CTNNA2: variants seen among roughly 807,000 people sequenced by gnomAD.
CTNNA2 encodes catenin alpha-2.
In CTNNA2, 42 loss-of-function variants were observed where a neutral mutation model predicts 101.0. That is an observed-to-expected ratio of 0.42 (90% CI 0.32 to 0.54). CTNNA2 has a LOEUF of 0.54. Among genes scored for constraint, CTNNA2 ranks in the 20% least tolerant of loss-of-function variants. CTNNA2 has a pLI of 0.14. For synonymous variants in CTNNA2, 450 were observed against 456.4 expected (o/e 0.99, Z 0.18); for missense variants, 871 against 1,223.1 (o/e 0.71, Z 4.29).
intron 7 of CTNNA2, among the ~76,000 whole-genome samples, chr2:80,267,620 A>G (rs1673103397): frequency 6.6e-6 from 1 of 152,202 alleles, no homozygotes; most frequent in Admixed American, 6.5e-5. Context: ...TGGGAAGGAG[A>G]CGATTCGCTC....
intron 7 of CTNNA2, among the ~76,000 whole-genome samples, chr2:80,193,886 G>C (rs1032816258): frequency 6.6e-6 from 1 of 152,136 alleles, no homozygotes; most frequent in African/African-American, 2.4e-5. Flanking sequence ...TTTTCATTCT[G>C]ACCTCTAAAT....
intron 7 of CTNNA2, among the ~76,000 whole-genome samples, chr2:80,036,039 T>C (rs60797765): frequency 0.037 from 5,629 of 152,264 alleles, 322 homozygotes; most frequent in African/African-American, 0.13. Flanking sequence ...ATCAGGGCTT[T>C]CTGAGGATTG....
intron 18 of CTNNA2, among the ~76,000 whole-genome samples, chr2:80,637,778 C>T (rs1398340113): frequency 1.3e-5 from 2 of 152,086 alleles, no homozygotes; most frequent in African/African-American, 2.4e-5. Flanking sequence ...AGGATCGTTC[C>T]AGATCTTCAG....
intron 7 of CTNNA2, among the ~76,000 whole-genome samples, chr2:80,269,940 T>G (rs1211691449): frequency 6.6e-6 from 1 of 152,170 alleles, no homozygotes; most frequent in Non-Finnish European, 1.5e-5. Context: ...GCCAGCAACC[T>G]AAGCAGCTCT....
intron 4 of CTNNA2, among the ~76,000 whole-genome samples, chr2:79,376,720 G>A (rs1677980237): frequency 6.6e-6 from 1 of 152,010 alleles, no homozygotes; most frequent in South Asian, 2.1e-4. Context: ...CCACCTATGA[G>A]TGAGAACATG....
chr2:79,371,152 G>A (rs1224725457), intron 3 of CTNNA2, among the ~76,000 whole-genome samples: 1 of 152,030 alleles, frequency 6.6e-6, no homozygotes, highest in Non-Finnish European at 1.5e-5. Flanking sequence ...AGAGGGGAGG[G>A]GTCTGGTGCC....
intron 11 of CTNNA2, among the ~76,000 whole-genome samples, chr2:80,547,706 T>TTTTTTTTTA: frequency 1.4e-4 from 21 of 149,778 alleles, no homozygotes; most frequent in Admixed American, 2.0e-4. Context: ...TTTTTTTTTT[T>TTTTTTTTTA]GAGATGGAGT....
chr2:79,317,100 G>T (rs1189445213), intron 3 of CTNNA2, among the ~76,000 whole-genome samples: 1 of 151,920 alleles, frequency 6.6e-6, no homozygotes, highest in Non-Finnish European at 1.5e-5. Context: ...TGTTGTTGTG[G>T]TGGTGGTTTT....
At chr2:79,603,519 C>T (rs1677684320) in intron 1 of CTNNA2, among the ~76,000 whole-genome samples, 2 of 152,072 alleles carry the variant, frequency 1.3e-5, no homozygotes, top group South Asian at 4.2e-4. Flanking sequence ...TTTCACTCAT[C>T]TTATGTGAAG....
At chr2:79,826,613 A>C (rs1361534413) in intron 3 of CTNNA2, among the ~76,000 whole-genome samples, 1 of 152,244 alleles carries the variant, frequency 6.6e-6, no homozygotes, top group African/African-American at 2.4e-5. Context: ...TACAAGTCGT[A>C]ATGCCAAAGA....
intron 7 of CTNNA2, among the ~76,000 whole-genome samples, chr2:80,133,643 T>A (rs1352490047): frequency 1.3e-5 from 2 of 152,112 alleles, no homozygotes; most frequent in Non-Finnish European, 2.9e-5. Flanking sequence ...TAGAAAAAAA[T>A]TGTGCATTGT....
rs74900729 is a variant in CTNNA2, at chr2:80,332,417, T to G, written c.1057-60794T>G. Among the ~76,000 whole-genome samples, 43 of 152,256 alleles carry G rather than the reference T, an allele frequency of 2.8e-4. 1 individual carries two copies. In the East Asian group the frequency reaches 8.2e-3, roughly 29 times the overall value. ...TGCTGTGTAGGCATCAATCCTTAAT[T>G]TAGGAAGGTCTGCGGCTGTCCATGA... On this transcript the variant is annotated intron_variant, in intron 7 of 18. Transcript: ENST00000402739.
At chr2:79,272,907 G>A (rs1462549789) in intron 2 of CTNNA2, among the ~76,000 whole-genome samples, 1 of 151,976 alleles carries the variant, frequency 6.6e-6, no homozygotes, top group African/African-American at 2.4e-5. Flanking sequence ...TTATTAACTA[G>A]GTTATGTTTT....
intron 3 of CTNNA2, among the ~76,000 whole-genome samples, chr2:79,848,949 G>C (rs1283630394): frequency 6.6e-6 from 1 of 152,042 alleles, no homozygotes; most frequent in South Asian, 2.1e-4. Flanking sequence ...TCCCTGACTG[G>C]GATGTCAGGA....
intron 2 of CTNNA2, among the ~76,000 whole-genome samples, chr2:79,715,205 CAAAA>C (rs140432724): frequency 0.02 from 1,339 of 66,310 alleles, 46 homozygotes; most frequent in East Asian, 0.19. Flanking sequence ...AAAATTCCGT[CAAAA>C]AAAAAAAAAA....
chr2:80,185,848 C>T (rs1439850525), intron 7 of CTNNA2, among the ~76,000 whole-genome samples: 1 of 152,160 alleles, frequency 6.6e-6, no homozygotes, highest in Non-Finnish European at 1.5e-5. Context: ...TTCTTTGCAT[C>T]TTATTAGATT....
intron 7 of CTNNA2, among the ~76,000 whole-genome samples, chr2:80,091,572 G>C (rs950522950): frequency 8.5e-5 from 13 of 152,060 alleles, no homozygotes; most frequent in South Asian, 2.1e-4. Flanking sequence ...GTATAAATCA[G>C]GACAAAACTG....
intron 3 of CTNNA2, among the ~76,000 whole-genome samples, chr2:79,353,566 A>T (rs751765808): frequency 2.0e-5 from 3 of 152,142 alleles, no homozygotes; most frequent in Non-Finnish European, 2.9e-5. Flanking sequence ...GTGTCATTGC[A>T]TGTGGAATGG....
chr2:80,610,744 T>G, intron 17 of CTNNA2, among the ~76,000 whole-genome samples: 1 of 151,730 alleles, frequency 6.6e-6, no homozygotes, highest in East Asian at 1.9e-4. Flanking sequence ...AAATGCGCAA[T>G]TATGTCTTAT....
Sources: allele counts gnomAD v4.1 joint callset (sites outside exome capture counted in the v4.1 genomes callset), GRCh38; gene constraint gnomAD v4.1.1; transcripts MANE v1.5; gene names NCBI Gene and HGNC (gene_info 2026-07-23, HGNC 2026-07-21).